Variants in SPAG16 observed in about 807,000 individuals in gnomAD.
SPAG16 encodes the protein sperm associated antigen 16, also known as sperm-associated antigen 16 protein.
SPAG16 carries 86 observed loss-of-function variants against 80.4 expected under a neutral mutation model. The observed-to-expected ratio is 1.07, with a 90% CI of 0.90 to 1.28. The LOEUF (loss-of-function observed/expected upper bound fraction) is 1.28, where lower values mean the gene tolerates loss of function less well. SPAG16 is among the 50% of genes most tolerant of loss of function. SPAG16 has a pLI of 0.00. For missense variants in SPAG16, 870 were observed against 765.3 expected, an observed-to-expected ratio of 1.14 and a Z score of -1.61; for synonymous variants, 294 against 265.9, an observed-to-expected ratio of 1.11 and a Z score of -1.03.
At position 214,120,388 on chromosome 2, in the gene SPAG16, T is replaced by C. The variant is rs1427170821; in HGVS notation, c.1593+12127T>C. ...AGATTCTTTTCAACTTTGTCCATCC[T>C]TGTTTCATTATGTCTAGTTTGATTT... On this transcript the variant is annotated intron_variant, in intron 14 of 15. Transcript: ENST00000331683. Among the ~76,000 whole-genome samples, 5 of 152,014 alleles carry C rather than the reference T, an allele frequency of 3.3e-5. No individual in the cohort carries two copies. The South Asian group carries it at 1.0e-3, about 31-fold the overall frequency.
At chr2:213,856,351 G>GTGTC in intron 10 of SPAG16, among the ~76,000 whole-genome samples, 1 of 152,282 alleles carries the variant, frequency 6.6e-6, no homozygotes, top group African/African-American at 2.4e-5. Context: ...TGGGTATTGA[G>GTGTC]TGTCTGTAGC....
chr2:214,006,650 A>C (rs1463403076), intron 12 of SPAG16, among the ~76,000 whole-genome samples: 1 of 152,244 alleles, frequency 6.6e-6, no homozygotes, highest in Non-Finnish European at 1.5e-5. Flanking sequence ...ATGGAAATGT[A>C]CAAATCATTT....
intron 11 of SPAG16, among the ~76,000 whole-genome samples, chr2:213,902,392 G>A (rs1313149362): frequency 6.6e-6 from 1 of 152,200 alleles, no homozygotes; most frequent in African/African-American, 2.4e-5. Context: ...TGGCTGAGGA[G>A]GCCTCAGAAT....
intron 13 of SPAG16, among the ~76,000 whole-genome samples, chr2:214,080,656 T>C (rs2051338968): frequency 6.6e-6 from 1 of 151,592 alleles, no homozygotes. Flanking sequence ...AGAAAAATTC[T>C]AACCACATTA....
chr2:213,573,052 C>A (rs2059978724), intron 10 of SPAG16, among the ~76,000 whole-genome samples: 1 of 152,290 alleles, frequency 6.6e-6, no homozygotes, highest in East Asian at 1.9e-4. Flanking sequence ...ACTCCCTGAC[C>A]CCTCGCGCTT....
At chr2:214,272,268 AT>A (rs1171902829) in intron 15 of SPAG16, among the ~76,000 whole-genome samples, 1 of 151,788 alleles carries the variant, frequency 6.6e-6, no homozygotes, top group African/African-American at 2.4e-5. Context: ...TCTGAAATTT[AT>A]TTATGTCTCT....
intron 15 of SPAG16, among the ~76,000 whole-genome samples, chr2:214,318,478 T>C (rs1007960203): frequency 7.4e-5 from 11 of 148,338 alleles, no homozygotes; most frequent in Non-Finnish European, 1.5e-4. Context: ...GCCTCCTGGA[T>C]TCAAGCAATT....
intron 15 of SPAG16, among the ~76,000 whole-genome samples, chr2:214,202,265 A>T (rs1329289236): frequency 6.6e-6 from 1 of 152,216 alleles, no homozygotes; most frequent in Non-Finnish European, 1.5e-5. Context: ...ACCTAAATAC[A>T]TTAAATTGAT....
chr2:213,871,944 G>T (rs1456169146), intron 11 of SPAG16, among the ~76,000 whole-genome samples: 2 of 151,402 alleles, frequency 1.3e-5, no homozygotes, highest in Non-Finnish European at 2.9e-5. Flanking sequence ...CTGATTTTCA[G>T]AAATTTCAAA....
In SPAG16 at chr2:213,334,347, C is replaced by G. The variant is rs909901111; in HGVS notation, c.537-5816C>G. The stretch of plus-strand genomic sequence containing the variant: ...ATGGAGAAAAGGGAACCCTTGTACG[C>G]TGTTGGTGGGATTGTAAATTAGTAC... On this transcript the variant is annotated intron_variant, in intron 5 of 15. Coordinates refer to ENST00000331683, the MANE Select transcript of SPAG16 (RefSeq NM_024532.5). Among the ~76,000 whole-genome samples, 9 of 152,272 alleles carry G rather than the reference C, an allele frequency of 5.9e-5. 1 individual carries two copies. In the South Asian group the frequency reaches 1.9e-3, roughly 32 times the overall value.
intron 10 of SPAG16, among the ~76,000 whole-genome samples, chr2:213,746,498 C>T (rs997971272): frequency 1.3e-5 from 2 of 152,048 alleles, no homozygotes; most frequent in African/African-American, 2.4e-5. Flanking sequence ...CCTACTGCAC[C>T]GCCAGTTATA....
chr2:213,517,000 T>A (rs1200076889), intron 10 of SPAG16, among the ~76,000 whole-genome samples: 1 of 152,110 alleles, frequency 6.6e-6, no homozygotes, highest in Non-Finnish European at 1.5e-5. Flanking sequence ...TGAAAGGCAT[T>A]GAAATAGGAA....
At chr2:214,402,686 G>A (rs1446217311) in intron 15 of SPAG16, among the ~76,000 whole-genome samples, 5 of 151,856 alleles carry the variant, frequency 3.3e-5, no homozygotes, top group African/African-American at 1.2e-4. Context: ...CTTACCTAAA[G>A]ATGTGGAAGT....
intron 10 of SPAG16, among the ~76,000 whole-genome samples, chr2:213,645,296 A>T (rs1197188016): frequency 1.3e-5 from 2 of 151,980 alleles, no homozygotes; most frequent in African/African-American, 4.8e-5. Flanking sequence ...ATCATCCAAG[A>T]GTCAGGTCCT....
intron 15 of SPAG16, among the ~76,000 whole-genome samples, chr2:214,177,571 T>G (rs979927864): frequency 2.0e-5 from 3 of 149,810 alleles, no homozygotes; most frequent in Non-Finnish European, 4.5e-5. Context: ...CCCAACTCTA[T>G]TTTTTAGGCG....
intron 13 of SPAG16, among the ~76,000 whole-genome samples, chr2:214,090,140 G>A (rs78577738): frequency 6.6e-6 from 1 of 151,838 alleles, no homozygotes; most frequent in Non-Finnish European, 1.5e-5. Flanking sequence ...TTGCAAAAGA[G>A]ATATATGGAG....
chr2:213,317,461 A>C, intron 5 of SPAG16, 105 bp downstream of exon 5: 6 of 1,361,036 alleles, frequency 4.4e-6, no homozygotes, highest in Non-Finnish European at 5.7e-6. Flanking sequence ...ATTTTTGAAA[A>C]CTGAATTTTT....
In SPAG16 at chr2:213,422,479, G is replaced by A. The variant is rs549432619; in HGVS notation, c.942+47360G>A. 3.7e-5 allele frequency: 21 copies of A among 569,924 alleles called. No individual in the cohort carries two copies. In the South Asian group the frequency reaches 4.3e-4, roughly 12 times the overall value. 35.3% of individuals were successfully genotyped at this position (569,924 alleles called of 1,614,324 possible). ...CTCTGCTCCTGGCTTGCCTTTGGCT[G>A]GTGTGGAATCTGGGCTGTAGCAAGA... On this transcript the variant is annotated intron_variant, in intron 9 of 15. Transcript: ENST00000331683.
chr2:213,562,447 AG>A (rs2125984985), intron 10 of SPAG16, among the ~76,000 whole-genome samples: 1 of 152,286 alleles, frequency 6.6e-6, no homozygotes, highest in Non-Finnish European at 1.5e-5. Context: ...TTGACTCTTA[AG>A]TTTGTTCAGG....
Sources: allele counts gnomAD v4.1 joint callset (sites outside exome capture counted in the v4.1 genomes callset), GRCh38; gene constraint gnomAD v4.1.1; transcripts MANE v1.5; gene names NCBI Gene and HGNC (gene_info 2026-07-23, HGNC 2026-07-21).